Variants in DNAH9 observed in about 807,000 individuals in gnomAD.
The protein encoded by DNAH9 is DNAH9 variant protein.
A neutral mutation model predicts 471.6 loss-of-function variants in DNAH9; 345 were observed. The observed-to-expected ratio is 0.73, with a 90% CI of 0.67 to 0.80. DNAH9 has a LOEUF of 0.80. Among genes scored for constraint, DNAH9 ranks in the 30% least tolerant of loss-of-function variants. The pLI, the probability that DNAH9 is intolerant of heterozygous loss-of-function variation, is 0.00. For synonymous variants in DNAH9, 2,093 were observed against 2,123.6 expected (o/e 0.99, Z 0.40); for missense variants, 5,407 against 5,609.2 (o/e 0.96, Z 1.15).
chr17:11,794,466 T>C (rs1969175197), intron 42 of DNAH9, among the ~76,000 whole-genome samples: 1 of 152,210 alleles, frequency 6.6e-6, no homozygotes, highest in Non-Finnish European at 1.5e-5. Context: ...CAGGTCTACA[T>C]GACAAACTCT....
At chr17:11,934,361 G>C (rs1201540171) in intron 65 of DNAH9, among the ~76,000 whole-genome samples, 1 of 149,456 alleles carries the variant, frequency 6.7e-6, no homozygotes, top group Non-Finnish European at 1.5e-5. Flanking sequence ...CAGTCATTCT[G>C]TGTGTTGCTG....
intron 48 of DNAH9, among the ~76,000 whole-genome samples, chr17:11,832,752 G>A (rs1027761037): frequency 2.0e-5 from 3 of 152,118 alleles, no homozygotes; most frequent in Non-Finnish European, 2.9e-5. Flanking sequence ...TCTGTTTGAC[G>A]TGTTCCAGGA....
chr17:11,820,408 TAAA>T (rs796218207), intron 45 of DNAH9, among the ~76,000 whole-genome samples: 1 of 147,070 alleles, frequency 6.8e-6, no homozygotes, highest in Non-Finnish European at 1.5e-5. Flanking sequence ...GCCAATCTGA[TAAA>T]AAAAAAATAA....
intron 7 of DNAH9, 100 bp downstream of exon 7, chr17:11,629,684 C>A: frequency 9.0e-7 from 1 of 1,115,624 alleles, no homozygotes; most frequent in Non-Finnish European, 1.3e-6. Flanking sequence ...TGTGTATTTC[C>A]TTTGGCTCTG....
rs140698013 is a variant in DNAH9, at chr17:11,923,889, C to T, written c.11825C>T (p.Ala3942Val). ...TTGGGGCAAGGACAGGAAGTGGTGG[C>T]TGAGGCTGCGCTGGACCTCGCTGCC... is the stretch of plus-strand genomic sequence containing the variant. ...VSLGQGQEVV[A>V]EAALDLAAKK... The change falls in exon 62 of 69, where the codon GCT (alanine) becomes GTT (valine). Residue 3942 changes from alanine (A) to valine (V), a missense_variant. Coordinates refer to ENST00000262442, the MANE Select transcript of DNAH9 (RefSeq NM_001372.4). The T allele has an allele frequency of 2.6e-4, 423 of 1,614,076 alleles. 1 individual carries two copies. The highest frequency in any genetic ancestry group is 8.7e-4 in the East Asian group (39 of 44,864).
chr17:11,701,017 T>G lies in DNAH9; in HGVS notation c.5026-105T>G, dbSNP rs2074584156. 6 of 1,238,454 alleles carry G rather than the reference T, an allele frequency of 4.8e-6. No homozygotes were observed. In the South Asian group the frequency reaches 8.0e-5, roughly 17 times the overall value. The allele number at this position is 1,238,454 out of a possible 1,614,324, so 76.7% of individuals were successfully genotyped here. ...CAGCCACTTGGGGCTGTATACAATG[T>G]GTGGGCTCCCTTTCCTTCACTCCCT... On this transcript the variant is annotated intron_variant, in intron 23 of 68. Transcript: ENST00000262442.
chr17:11,826,820 C>CTTTTTTTTT (rs760330537), intron 48 of DNAH9, among the ~76,000 whole-genome samples: 30 of 103,022 alleles, frequency 2.9e-4, no homozygotes, highest in African/African-American at 8.8e-4. Context: ...TCCCTACTTT[C>CTTTTTTTTT]TTTTTTTTTT....
chr17:11,793,208 A>G (rs935655970), intron 41 of DNAH9, among the ~76,000 whole-genome samples: 2 of 152,242 alleles, frequency 1.3e-5, no homozygotes, highest in Non-Finnish European at 2.9e-5. Flanking sequence ...TAAGGCTCAG[A>G]GATGTCACAT....
chr17:11,750,104 A>G (rs1407624654), intron 32 of DNAH9, among the ~76,000 whole-genome samples: 1 of 152,198 alleles, frequency 6.6e-6, no homozygotes, highest in Non-Finnish European at 1.5e-5. Flanking sequence ...TCACTGAACA[A>G]GGTAACTTCG....
intron 37 of DNAH9, 107 bp downstream of exon 37, chr17:11,768,733 G>A: frequency 1.5e-6 from 2 of 1,363,440 alleles, no homozygotes; most frequent in Non-Finnish European, 2.0e-6. Context: ...TCCTTGCTAG[G>A]AACTAGTCAT....
intron 50 of DNAH9, among the ~76,000 whole-genome samples, chr17:11,868,291 A>G (rs1374934521): frequency 6.6e-6 from 1 of 152,124 alleles, no homozygotes; most frequent in Non-Finnish European, 1.5e-5. Context: ...GCTTGGCCCT[A>G]CATTGATTTC....
chr17:11,895,215 G>T (rs1224745722), intron 59 of DNAH9, among the ~76,000 whole-genome samples: 1 of 152,186 alleles, frequency 6.6e-6, no homozygotes, highest in Middle Eastern at 3.2e-3. Flanking sequence ...TACTATGCCT[G>T]CAATTCACAG....
At chr17:11,599,452 T>A (rs75625118) in intron 1 of DNAH9, among the ~76,000 whole-genome samples, 1 of 152,112 alleles carries the variant, frequency 6.6e-6, no homozygotes, top group Non-Finnish European at 1.5e-5. Context: ...GGTAGTGATT[T>A]GCTTTTGATT....
chr17:11,669,081 A>G lies in DNAH9; in HGVS notation c.2749A>G (p.Thr917Ala), dbSNP rs778052407. ...LENTECKAGLTPIFEAQLSLA... is the reference protein window; with the variant it reads ...LENTECKAGLAPIFEAQLSLA... ...TTTTTCAGAGTGTAAGGCAGGACTT[A>G]CCCCAATATTTGAAGCACAACTGAG... is the stretch of plus-strand genomic sequence containing the variant. The change falls in exon 16 of 69, where the codon ACC (threonine) becomes GCC (alanine). Residue 917 changes from threonine to alanine, a missense_variant. By Grantham distance (58) the Thr-to-Ala change is moderately conservative. This residue lies in a region of DNAH9 where 4,636 missense variants were observed against 4,900.3 expected (regional missense o/e 0.95). Coordinates refer to ENST00000262442, the MANE Select transcript of DNAH9 (RefSeq NM_001372.4). The G allele has an allele frequency of 4.2e-5, 67 of 1,612,732 alleles. No homozygotes were observed. The East Asian group carries it at 1.4e-3, about 35-fold the overall frequency.
At position 11,878,553 on chromosome 17, in the gene DNAH9, G is replaced by C. The variant is rs536618712; in HGVS notation, c.10479-1525G>C. Among the ~76,000 whole-genome samples, 10 of 151,268 alleles carry C rather than the reference G, an allele frequency of 6.6e-5. No individual in the cohort carries two copies. The South Asian group carries it at 1.9e-3, about 28-fold the overall frequency. ...TTTTTAGTTTTTAGTTTTTTTGTTT[G>C]TTTGTTTGTTTGTTTGTTTTAAGAC... On this transcript the variant is annotated intron_variant, in intron 53 of 68. Coordinates refer to ENST00000262442, the MANE Select transcript of DNAH9 (RefSeq NM_001372.4).
intron 1 of DNAH9, among the ~76,000 whole-genome samples, chr17:11,607,694 C>T (rs765080681): frequency 6.6e-6 from 1 of 152,078 alleles, no homozygotes; most frequent in Non-Finnish European, 1.5e-5. Context: ...CTCAACCTCC[C>T]GAGTAGCTGT....
intron 28 of DNAH9, among the ~76,000 whole-genome samples, chr17:11,731,698 C>T (rs945167056): frequency 2.0e-5 from 3 of 151,980 alleles, no homozygotes; most frequent in African/African-American, 7.3e-5. Context: ...TTGTTTCCAG[C>T]TTCATCCATG....
chr17:11,796,767 C>T lies in DNAH9; in HGVS notation c.8224-830C>T, dbSNP rs1170784339. ...ACTTTTCTCCTCGACAACCTTTCCT[C>T]TATCTCAAGTCTCAGGTATTTGGGT... On this transcript the variant is annotated intron_variant, in intron 42 of 68. Coordinates refer to ENST00000262442, the MANE Select transcript of DNAH9 (RefSeq NM_001372.4). 2.0e-5 allele frequency among the ~76,000 whole-genome samples: 3 copies of T among 152,342 alleles called. No homozygotes were observed. The East Asian group carries it at 5.8e-4, about 29-fold the overall frequency.
chr17:11,640,314 C>T lies in DNAH9; in HGVS notation c.1831C>T (p.Leu611Phe). ...GAACATGCCCACCGTGGCTGGCGGC[C>T]TCCGCTGGGCACAGGAGCTGAGGCA... is the stretch of plus-strand genomic sequence containing the variant. The part of the protein sequence containing the change: ...HKNMPTVAGG[L>F]RWAQELRQRI... Residue 611 changes from leucine to phenylalanine, a missense_variant, in exon 10 of 69, where the codon CTC becomes TTC. This residue lies in a region of DNAH9 where 4,636 missense variants were observed against 4,900.3 expected (regional missense o/e 0.95). Coordinates refer to ENST00000262442, the MANE Select transcript of DNAH9 (RefSeq NM_001372.4). 6.2e-7 allele frequency: 1 copy of T among 1,613,992 alleles called. No homozygotes were observed. The highest frequency in any genetic ancestry group is 1.7e-4 in the Middle Eastern group (1 of 6,060).
Sources: gnomAD v4.1 joint callset for allele counts (sites outside exome capture counted in the v4.1 genomes callset) on GRCh38, gnomAD v4.1.1 for gene constraint, gnomAD v4.1.1 regional missense constraint, MANE v1.5 for transcripts, NCBI Gene and HGNC (gene_info 2026-07-23, HGNC 2026-07-21) for gene names.